Variants in TRIM36 observed in about 807,000 individuals in gnomAD.
The protein encoded by TRIM36 is E3 ubiquitin-protein ligase TRIM36.
In TRIM36, 42 loss-of-function variants were observed where a neutral mutation model predicts 72.4. The ratio of observed to expected loss-of-function variants is 0.58; its 90% confidence interval spans 0.45 to 0.75. TRIM36 has a LOEUF of 0.75. TRIM36 is among the 30% of genes least tolerant of loss of function. The pLI is 0.00. For missense variants in TRIM36, 913 were observed against 857.1 expected (o/e 1.07, Z -0.81); for synonymous variants, 315 against 282.8 (o/e 1.11, Z -1.14).
At chr5:115,156,936 T>A (rs752532011) in intron 2 of TRIM36, among the ~76,000 whole-genome samples, 2 of 152,080 alleles carry the variant, frequency 1.3e-5, no homozygotes, top group South Asian at 2.1e-4. Flanking sequence ...AGGACTAACA[T>A]CCAGAATCTA....
chr5:115,152,996 CA>C (rs930734616), intron 2 of TRIM36, among the ~76,000 whole-genome samples: 1 of 151,898 alleles, frequency 6.6e-6, no homozygotes, highest in Non-Finnish European at 1.5e-5. Context: ...GGTACACAGG[CA>C]AAAAAATAGC....
At chr5:115,158,952 G>C (rs1406263237) in intron 2 of TRIM36, among the ~76,000 whole-genome samples, 1 of 152,182 alleles carries the variant, frequency 6.6e-6, no homozygotes, top group Non-Finnish European at 1.5e-5. Flanking sequence ...CAGGTGTTAA[G>C]TATTCTCCCA....
In TRIM36 at chr5:115,124,842, T is replaced by C. The variant is rs3805596; in HGVS notation, c.*1661A>G. On this transcript the variant is annotated 3_prime_UTR_variant, in exon 10 of 10. Transcript: ENST00000513154. The stretch of plus-strand genomic sequence containing the variant: ...AATTGCACAAGGTTTGAAACAGCTA[T>C]CCTATTCCTGTTAAAGCTTCACATT... 10,829 of 152,582 alleles carry C rather than the reference T, an allele frequency of 0.071. 922 individuals carry two copies. Among genetic ancestry groups the C allele is most frequent in the East Asian group, 0.39 (2,030 of 5,168 alleles). The allele number at this position is 152,582 out of a possible 1,614,324, so 9.5% of individuals were successfully genotyped here.
At chr5:115,171,582 C>T (rs1378851895), upstream of TRIM36, among the ~76,000 whole-genome samples, 5 of 152,164 alleles carry the variant, frequency 3.3e-5, no homozygotes, top group African/African-American at 1.2e-4. Flanking sequence ...ATTTCACATC[C>T]GCACACCTGC....
intron 9 of TRIM36, 21 bp from the exon 10 acceptor site, chr5:115,126,878 T>A (rs1752386017): frequency 1.3e-5 from 20 of 1,585,184 alleles, no homozygotes; most frequent in Non-Finnish European, 1.6e-5. Flanking sequence ...ATACAAAGCA[T>A]CTGTATCTTC....
intron 1 of TRIM36, among the ~76,000 whole-genome samples, chr5:115,167,637 C>T (rs976613417): frequency 3.2e-4 from 48 of 152,216 alleles, no homozygotes; most frequent in Non-Finnish European, 7.3e-5. Context: ...TTGTCCATAC[C>T]ACTAGCAGAA....
chr5:115,152,583 T>C (rs1382780876), intron 2 of TRIM36, among the ~76,000 whole-genome samples: 1 of 152,086 alleles, frequency 6.6e-6, no homozygotes, highest in African/African-American at 2.4e-5. Flanking sequence ...GGTTACCAGT[T>C]AAGACAAAGG....
In TRIM36 at chr5:115,132,210, A is replaced by G. The variant is rs150159012; in HGVS notation, c.1499-1321T>C. On this transcript the variant is annotated intron_variant, in intron 8 of 9. Coordinates refer to ENST00000513154, the MANE Select transcript of TRIM36 (RefSeq NM_001300759.2). ...TGTGTGTGTGTGTGTGTGTGTATAT[A>G]TATATATACATATATATATATATTT... Among the ~76,000 whole-genome samples, 591 of 100,432 alleles carry G rather than the reference A, an allele frequency of 5.9e-3. 3 individuals carry two copies. Among genetic ancestry groups the G allele is most frequent in the Non-Finnish European group, 9.7e-3 (416 of 42,968 alleles). 65.9% of individuals were successfully genotyped at this position (100,432 alleles called of 152,430 possible).
intron 1 of TRIM36, among the ~76,000 whole-genome samples, chr5:115,176,032 AG>A (rs1755323046): frequency 6.6e-6 from 1 of 152,204 alleles, no homozygotes; most frequent in Non-Finnish European, 1.5e-5. Context: ...AGGCTGAGGT[AG>A]GAGAATCGCT....
intron 2 of TRIM36, chr5:115,159,533 A>T (rs1051425538): frequency 2.9e-5 from 11 of 381,086 alleles, no homozygotes; most frequent in Non-Finnish European, 5.6e-5. Flanking sequence ...CTCTCTACAC[A>T]ATTTTGAAGA....
intron 9 of TRIM36, among the ~76,000 whole-genome samples, chr5:115,127,268 TA>T (rs1752405632): frequency 6.6e-6 from 1 of 152,148 alleles, no homozygotes; most frequent in South Asian, 2.1e-4. Flanking sequence ...ATAATGAAAC[TA>T]AAATATTTCA....
rs1410868590 is a variant in TRIM36, at chr5:115,132,219, C to CAT, written c.1499-1332_1499-1331dup. Among the ~76,000 whole-genome samples the CAT allele has an allele frequency of 1.1e-3, 153 of 143,892 alleles. 2 individuals carry two copies. Among genetic ancestry groups the CAT allele is most frequent in the African/African-American group, 2.2e-3 (85 of 39,140 alleles). The allele number at this position is 143,892 out of a possible 152,430, so 94.4% of individuals were successfully genotyped here. On this transcript the variant is annotated intron_variant, in intron 8 of 9. Coordinates refer to ENST00000513154, the MANE Select transcript of TRIM36 (RefSeq NM_001300759.2). ...GTGTGTGTGTGTATATATATATATA[C>CAT]ATATATATATATATTTTAAACAGGC...
At position 115,144,725 on chromosome 5, in the gene TRIM36, T is replaced by C; in HGVS notation, c.608A>G (p.His203Arg). 6.2e-7 allele frequency: 1 copy of C among 1,613,316 alleles called. No homozygotes were observed. The highest frequency in any genetic ancestry group is 1.3e-5 in the African/African-American group (1 of 74,966). The change falls in exon 4 of 10, where the codon CAT becomes CGT. Residue 203 changes from histidine to arginine, a missense_variant. Coordinates refer to ENST00000513154, the MANE Select transcript of TRIM36 (RefSeq NM_001300759.2). Reference protein sequence around the residue: ...FRPKILMCPEHETERINMYCE... With the variant: ...FRPKILMCPERETERINMYCE... ...GTACATGTTTATTCTCTCTGTTTCA[T>C]GTTCTGGGCACATTAAAATCTATTG...
intron 8 of TRIM36, among the ~76,000 whole-genome samples, chr5:115,131,912 G>A (rs1192484309): frequency 6.6e-6 from 1 of 152,096 alleles, no homozygotes; most frequent in Non-Finnish European, 1.5e-5. Context: ...TGGGTACAGG[G>A]TTTCAGTTTA....
chr5:115,165,316 T>C (rs1754703611), intron 1 of TRIM36, among the ~76,000 whole-genome samples: 1 of 152,204 alleles, frequency 6.6e-6, no homozygotes, highest in Non-Finnish European at 1.5e-5. Context: ...CCCTTTGCAC[T>C]GCCCTAGCAG....
chr5:115,128,387 T>C (rs1358586334), intron 9 of TRIM36, among the ~76,000 whole-genome samples: 2 of 147,964 alleles, frequency 1.4e-5, no homozygotes, highest in Non-Finnish European at 3.0e-5. Context: ...AAAAAAAATG[T>C]ATATAGATGT....
At chr5:115,141,591 G>GA (rs1260177998) in intron 4 of TRIM36, among the ~76,000 whole-genome samples, 2 of 151,946 alleles carry the variant, frequency 1.3e-5, no homozygotes, top group Non-Finnish European at 2.9e-5. Flanking sequence ...AAATCAGTTG[G>GA]AAAAAAGAAC....
At chr5:115,173,528 G>C (rs1282998837), upstream of TRIM36, among the ~76,000 whole-genome samples, 3 of 150,792 alleles carry the variant, frequency 2.0e-5, no homozygotes, top group Admixed American at 1.3e-4. Flanking sequence ...TTGAATGTGT[G>C]TGTGTGTGTG....
chr5:115,139,507 A>C (rs1386828738), intron 5 of TRIM36, among the ~76,000 whole-genome samples: 3 of 152,252 alleles, frequency 2.0e-5, no homozygotes, highest in Non-Finnish European at 4.4e-5. Context: ...TAATGAAAGG[A>C]AATTTTTTCC....
Sources: gnomAD v4.1 joint callset for allele counts (sites outside exome capture counted in the v4.1 genomes callset) on GRCh38, gnomAD v4.1.1 for gene constraint, MANE v1.5 for transcripts, NCBI Gene and HGNC (gene_info 2026-07-23, HGNC 2026-07-21) for gene names.